Variants in RIMS2 observed in about 807,000 individuals in gnomAD.
RIMS2 encodes regulating synaptic membrane exocytosis 2.
RIMS2 carries 59 observed loss-of-function variants against 174.4 expected under a neutral mutation model. That is an observed-to-expected ratio of 0.34 (90% confidence interval 0.27 to 0.42). RIMS2 has a LOEUF of 0.42. RIMS2 is among the 10% of genes least tolerant of loss of function. RIMS2 has a pLI of 1.00. For synonymous variants in RIMS2, 606 were observed against 572.5 expected (o/e 1.06, Z -0.84); for missense variants, 1,620 against 1,666.3 (o/e 0.97, Z 0.48).
rs774113950 is a variant in RIMS2, at chr8:103,998,267, A to G, written c.3044+8846A>G. ...GGATGGCAGGTATATTTTTCTTACA[A>G]TTGAGTCTGTTTGTGGAATTGCTTG... On this transcript the variant is annotated intron_variant, in intron 17 of 23. Transcript: ENST00000504942. 5 of 1,578,574 alleles carry G rather than the reference A, an allele frequency of 3.2e-6. No homozygotes were observed. In the Admixed American group the frequency reaches 5.1e-5, roughly 16 times the overall value.
intron 19 of RIMS2, among the ~76,000 whole-genome samples, chr8:104,020,658 G>A (rs546506668): frequency 6.6e-6 from 1 of 151,904 alleles, no homozygotes; most frequent in South Asian, 2.1e-4. Context: ...CAAAATCACA[G>A]CATGGATATT....
At chr8:103,695,280 A>G (rs535709200) in intron 1 of RIMS2, among the ~76,000 whole-genome samples, 2 of 152,148 alleles carry the variant, frequency 1.3e-5, no homozygotes, top group Admixed American at 1.3e-4. Flanking sequence ...GTTCAAATTG[A>G]TGTTTCTGCT....
In RIMS2 at chr8:103,769,992, C is replaced by CT. The variant is rs1041850031; in HGVS notation, c.698+3463dup. Among the ~76,000 whole-genome samples the CT allele has an allele frequency of 1.8e-4, 28 of 151,944 alleles. 1 individual carries two copies. Among genetic ancestry groups the CT allele is most frequent in the Admixed American group, 1.6e-3 (24 of 15,240 alleles). ...TGGAACTCATTGTAATTTACATACA[C>CT]TTTTTTTTGGGAAACACTTTAAAGA... is the stretch of plus-strand genomic sequence containing the variant. On this transcript the variant is annotated intron_variant, in intron 3 of 23. Transcript: ENST00000504942.
intron 19 of RIMS2, among the ~76,000 whole-genome samples, chr8:104,055,649 CAAAT>C (rs1433259394): frequency 1.3e-5 from 2 of 152,070 alleles, no homozygotes; most frequent in Non-Finnish European, 1.5e-5. Flanking sequence ...TTGTGACTAA[CAAAT>C]TAACTAAGTT....
At chr8:103,933,334 C>CACA (rs1213415308) in intron 12 of RIMS2, among the ~76,000 whole-genome samples, 4 of 124,460 alleles carry the variant, frequency 3.2e-5, no homozygotes, top group Non-Finnish European at 6.3e-5. Context: ...CACACACACA[C>CACA]AATTAGCCAG....
At chr8:104,228,642 T>G (rs931048972) in intron 19 of RIMS2, among the ~76,000 whole-genome samples, 16 of 152,198 alleles carry the variant, frequency 1.1e-4, no homozygotes, top group African/African-American at 3.9e-4. Flanking sequence ...ATCCATCCAT[T>G]ATATTTATAC....
intron 3 of RIMS2, among the ~76,000 whole-genome samples, chr8:103,861,875 A>G (rs992916191): frequency 6.6e-6 from 1 of 152,098 alleles, no homozygotes; most frequent in Admixed American, 6.6e-5. Context: ...TAGATTCTAG[A>G]TATTAGTCCT....
chr8:104,249,714 T>C (rs117756133), intron 22 of RIMS2, 126 bp downstream of exon 28: 6,609 of 613,700 alleles, frequency 0.011, 51 homozygotes, highest in Non-Finnish European at 0.015. Flanking sequence ...CCATTATGAC[T>C]GGTCTGGTGC....
chr8:103,927,015 AT>A (rs1359661889), intron 10 of RIMS2, among the ~76,000 whole-genome samples: 7 of 151,386 alleles, frequency 4.6e-5, no homozygotes, highest in African/African-American at 1.7e-4. Flanking sequence ...GTGTTTCCTC[AT>A]CTACAAATTG....
chr8:103,671,234 C>A (rs2096740457), intron 1 of RIMS2, among the ~76,000 whole-genome samples: 2 of 152,114 alleles, frequency 1.3e-5, no homozygotes, highest in South Asian at 4.1e-4. Flanking sequence ...CCGAGTGCCT[C>A]CCAAAACGTG....
At chr8:103,933,329 AC>A (rs1297441957) in intron 12 of RIMS2, among the ~76,000 whole-genome samples, 1 of 121,988 alleles carries the variant, frequency 8.2e-6, no homozygotes, top group Non-Finnish European at 1.7e-5. Context: ...ACACACACAC[AC>A]ACACAATTAG....
At chr8:104,238,379 T>C (rs1438979777) in intron 19 of RIMS2, among the ~76,000 whole-genome samples, 2 of 151,826 alleles carry the variant, frequency 1.3e-5, no homozygotes, top group African/African-American at 4.8e-5. Context: ...GATGGGTTGA[T>C]AGGTGCAGCA....
At chr8:103,554,956 C>T (rs1563761782) in intron 1 of RIMS2, among the ~76,000 whole-genome samples, 2 of 152,094 alleles carry the variant, frequency 1.3e-5, no homozygotes, top group Non-Finnish European at 2.9e-5. Context: ...CACATGTTCT[C>T]ATGTGTAAGT....
chr8:103,952,581 G>A (rs2085765013), intron 14 of RIMS2, among the ~76,000 whole-genome samples: 2 of 152,146 alleles, frequency 1.3e-5, no homozygotes, highest in East Asian at 1.9e-4. Flanking sequence ...CAAAAAGGAC[G>A]TCCACTCAGA....
intron 1 of RIMS2, among the ~76,000 whole-genome samples, chr8:103,665,967 C>G (rs1278589618): frequency 6.6e-6 from 1 of 152,106 alleles, no homozygotes; most frequent in Admixed American, 6.6e-5. Flanking sequence ...TATATTAATA[C>G]TTATTTAGTA....
Position 103,547,605 on chromosome 8 carries a change from GAAAC to G in RIMS2, c.176+46546_176+46549del, listed in dbSNP as rs562658661. The stretch of plus-strand genomic sequence containing the variant: ...TAACATCATAGCGAGAGGAACTAGA[GAAAC>G]AAGAGCAAACCAACCCCAAAGCCAG... On this transcript the variant is annotated intron_variant, in intron 1 of 23. Transcript: ENST00000504942. Among the ~76,000 whole-genome samples the G allele has an allele frequency of 3.6e-4, 54 of 152,112 alleles. No individual in the cohort carries two copies. The South Asian group carries it at 0.011, about 32-fold the overall frequency.
At chr8:103,910,291 CT>C (rs75164936) in intron 5 of RIMS2, 29 bp from the exon 8 acceptor site, 82,543 of 1,207,376 alleles carry the variant, frequency 0.068, no homozygotes, top group East Asian at 0.15. Flanking sequence ...TTTTTTGTAT[CT>C]TTTTTTTTTT....
intron 1 of RIMS2, among the ~76,000 whole-genome samples, chr8:103,609,090 G>A (rs199628047): frequency 5.3e-5 from 8 of 152,026 alleles, no homozygotes; most frequent in African/African-American, 9.7e-5. Flanking sequence ...TTTGATTTGC[G>A]TTTTTCTAAT....
chr8:103,500,955 G>C, exon 1 of RIMS2: 3 of 1,610,084 alleles, frequency 1.9e-6, no homozygotes, highest in Non-Finnish European at 2.5e-6. Context: ...CGCCTCTGCA[G>C]CCCGAGATGC....
Sources: allele counts gnomAD v4.1 joint callset (sites outside exome capture counted in the v4.1 genomes callset), GRCh38; gene constraint gnomAD v4.1.1; transcripts MANE v1.5; gene names NCBI Gene and HGNC (gene_info 2026-07-23, HGNC 2026-07-21).